JAKMIP1: variants seen among roughly 807,000 people sequenced by gnomAD.
The protein encoded by JAKMIP1 is janus kinase and microtubule interacting protein 1.
Under a neutral mutation model 113.0 loss-of-function variants are expected in JAKMIP1, and 33 were observed. That is an observed-to-expected ratio of 0.29 (90% confidence interval 0.22 to 0.39). The LOEUF is 0.39. Among genes scored for constraint, JAKMIP1 ranks in the 10% least tolerant of loss-of-function variants. JAKMIP1 has a pLI of 1.00. For synonymous variants in JAKMIP1, 480 were observed against 459.9 expected (o/e 1.04, Z -0.56); for missense variants, 813 against 1,080.5 (o/e 0.75, Z 3.47).
chr4:6,085,311 T>C (rs1721137674), intron 4 of JAKMIP1, 109 bp downstream of exon 4: 2 of 908,000 alleles, frequency 2.2e-6, no homozygotes, highest in Admixed American at 2.5e-5. Flanking sequence ...AGTGAATGAA[T>C]GAATGAGTGA....
At chr4:6,125,936 C>T (rs1717464808) in intron 1 of JAKMIP1, among the ~76,000 whole-genome samples, 1 of 132,950 alleles carries the variant, frequency 7.5e-6, no homozygotes, top group South Asian at 2.7e-4. Flanking sequence ...GAAACACACA[C>T]ACACCATACA....
rs894972327 is a variant in JAKMIP1, at chr4:6,069,731, T to C, written c.1303-4723A>G. 6.9e-6 allele frequency among the ~76,000 whole-genome samples: 1 copy of C among 144,768 alleles called. No homozygotes were observed. Among genetic ancestry groups the C allele is most frequent in the Non-Finnish European group, 1.5e-5 (1 of 66,904 alleles). 95.0% of individuals were successfully genotyped at this position (144,768 alleles called of 152,430 possible). The stretch of plus-strand genomic sequence containing the variant: ...TTGTGCCTCTGCACTCCAGCCTGGG[T>C]GACAGGGCAAGATCCTGTCTCAAAA... On this transcript the variant is annotated intron_variant, in intron 8 of 20. Transcript: ENST00000409021. The surrounding 1 kb of genome is among the most constrained non-coding windows in gnomAD (Gnocchi z 4.5).
intron 1 of JAKMIP1, among the ~76,000 whole-genome samples, chr4:6,147,664 C>G (rs943258747): frequency 6.6e-6 from 1 of 152,210 alleles, no homozygotes; most frequent in Non-Finnish European, 1.5e-5. Context: ...CTCACTCTCC[C>G]CCACCGGGTC....
At chr4:6,102,374 T>C (rs1713187875) in intron 3 of JAKMIP1, among the ~76,000 whole-genome samples, 1 of 152,146 alleles carries the variant, frequency 6.6e-6, no homozygotes. Context: ...TAAGAGGTGA[T>C]GAAGTCATGA....
In JAKMIP1 at chr4:6,042,989, C is replaced by T. The variant is rs1714532447; in HGVS notation, c.2029-762G>A. Among the ~76,000 whole-genome samples, 1 of 151,966 alleles carries T rather than the reference C, an allele frequency of 6.6e-6. No individual in the cohort carries two copies. Among genetic ancestry groups the T allele is most frequent in the African/African-American group, 2.4e-5 (1 of 41,360 alleles). On this transcript the variant is annotated intron_variant, in intron 16 of 20. Transcript: ENST00000409021. This position sits in a 1 kb window ranked among gnomAD's most constrained non-coding sequence, Gnocchi z 5.2. ...TCTGGGCTGGGGGTGAGCACGGAGG[C>T]AGGTGTCATACGTGGATGTGCCTCT...
rs1715474573 is a variant in JAKMIP1, at chr4:6,050,139, A to AG, written c.1909-268dup. On this transcript the variant is annotated intron_variant, in intron 14 of 20. Coordinates refer to ENST00000409021, the MANE Select transcript of JAKMIP1 (RefSeq NM_001099433.2). This position sits in a 1 kb window ranked among gnomAD's most constrained non-coding sequence, Gnocchi z 7.4. ...CAGGACGCTGTCCCTGGAGCTGAGCAGGGCTCTAGGACACGGTAAACCCCG... is the reference window on the plus strand; with the variant it reads ...CAGGACGCTGTCCCTGGAGCTGAGCAGGGGCTCTAGGACACGGTAAACCCCG... 6.6e-6 allele frequency among the ~76,000 whole-genome samples: 1 copy of AG among 152,220 alleles called. No individual in the cohort carries two copies. Among genetic ancestry groups the AG allele is most frequent in the South Asian group, 2.1e-4 (1 of 4,832 alleles).
Position 6,153,953 on chromosome 4 carries a change from G to A in JAKMIP1, c.-147-40956C>T, listed in dbSNP as rs1488170794. Among the ~76,000 whole-genome samples the A allele has an allele frequency of 6.6e-6, 1 of 152,216 alleles. No homozygotes were observed. The highest frequency in any genetic ancestry group is 1.5e-5 in the Non-Finnish European group (1 of 68,048). On this transcript the variant is annotated intron_variant, in intron 1 of 20. Coordinates refer to ENST00000409021, the MANE Select transcript of JAKMIP1 (RefSeq NM_001099433.2). This position sits in a 1 kb window ranked among gnomAD's most constrained non-coding sequence, Gnocchi z 4.9. ...GGCCCCTTTTGGCTGGGAAAGTCTG[G>A]ATCCTGCCTCTTACTTGTCACAGAG... is the stretch of plus-strand genomic sequence containing the variant.
rs1721438723 is a variant in JAKMIP1 at position 6,150,512 on chromosome 4, A to G, written c.-147-37515T>C. 6.6e-6 allele frequency: 1 copy of G among 152,192 alleles called. No homozygotes were observed. The highest frequency in any genetic ancestry group is 2.1e-4 in the South Asian group (1 of 4,822). The allele number at this position is 152,192 out of a possible 1,614,324, so 9.4% of individuals were successfully genotyped here. A position where few individuals can be genotyped will look rare whatever the true frequency, so the allele number is the denominator to read the frequency against. On this transcript the variant is annotated intron_variant, in intron 1 of 20. Transcript: ENST00000409021. This position sits in a 1 kb window ranked among gnomAD's most constrained non-coding sequence, Gnocchi z 4.8. ...GTACACAGCCCTGTTTGCTGAACTG[A>G]GTGGTTTCCGCATCCAGGAATAGAC... is the stretch of plus-strand genomic sequence containing the variant.
chr4:6,035,113 T>TTCTC (rs144090101), intron 19 of JAKMIP1, among the ~76,000 whole-genome samples: 2 of 150,958 alleles, frequency 1.3e-5, no homozygotes, highest in South Asian at 2.1e-4. Context: ...GTCAACCTCT[T>TTCTC]TCTCTCTCTC....
At chr4:6,111,896 C>T (rs765906743) in intron 2 of JAKMIP1, among the ~76,000 whole-genome samples, 2 of 152,220 alleles carry the variant, frequency 1.3e-5, no homozygotes, top group Non-Finnish European at 2.9e-5. Flanking sequence ...ATATGGCTTA[C>T]AAGACCTCAT....
intron 1 of JAKMIP1, among the ~76,000 whole-genome samples, chr4:6,131,589 G>T (rs1022698579): frequency 6.6e-6 from 1 of 152,136 alleles, no homozygotes; most frequent in Non-Finnish European, 1.5e-5. Flanking sequence ...AATTAGCCAG[G>T]CATGGTGGTG....
chr4:6,115,080 G>A (rs907268993), intron 1 of JAKMIP1, among the ~76,000 whole-genome samples: 3 of 152,196 alleles, frequency 2.0e-5, no homozygotes, highest in Non-Finnish European at 4.4e-5. Flanking sequence ...TCCACATGGG[G>A]AAAAGGTCAG....
intron 1 of JAKMIP1, among the ~76,000 whole-genome samples, chr4:6,161,222 T>TC (rs1295734058): frequency 2.6e-5 from 3 of 114,336 alleles, no homozygotes; most frequent in African/African-American, 1.1e-4. Context: ...TCCACTCATC[T>TC]CCCTGACCTC....
rs908209376 is a variant in JAKMIP1 at position 6,050,254 on chromosome 4, C to T, written c.1908+324G>A. ...CACTTGGAGTCTGTTCATGATGTGT[C>T]ATCACCCCAGCTTCACGGTGTGGGT... On this transcript the variant is annotated intron_variant, in intron 14 of 20. Transcript: ENST00000409021. The surrounding 1 kb of genome is among the most constrained non-coding windows in gnomAD (Gnocchi z 7.4). Among the ~76,000 whole-genome samples, 14 of 152,200 alleles carry T rather than the reference C, an allele frequency of 9.2e-5. No individual in the cohort carries two copies. The highest frequency in any genetic ancestry group is 1.8e-4 in the Non-Finnish European group (12 of 68,038).
chr4:6,161,183 TC>T (rs1722895122), intron 1 of JAKMIP1, among the ~76,000 whole-genome samples: 1 of 116,474 alleles, frequency 8.6e-6, no homozygotes, highest in African/African-American at 3.5e-5. Flanking sequence ...TCCACTCACC[TC>T]CCCTGATCTC....
intron 3 of JAKMIP1, among the ~76,000 whole-genome samples, chr4:6,087,271 C>A (rs1414821403): frequency 1.3e-5 from 2 of 152,092 alleles, no homozygotes; most frequent in Non-Finnish European, 2.9e-5. Flanking sequence ...CCCCCCAACC[C>A]TGACCATATG....
rs1721065607 is a variant in JAKMIP1, at chr4:6,084,943, T to C, written c.857A>G (p.Asp286Gly). Reference protein sequence around the residue: ...GVQDQHMDERDVRRFQLKIAE... With the variant: ...GVQDQHMDERGVRRFQLKIAE... ...AATTTTTAGTTGAAATCGCCTCACA[T>C]CTCGCTCGTCCATATGTTGATCCTA... Residue 286 changes from aspartate to glycine, a missense_variant, in exon 5 of 21, where the codon GAT becomes GGT. Asp to Gly is a moderately conservative substitution (Grantham distance 94). Transcript: ENST00000409021. 5.1e-6 allele frequency: 5 copies of C among 979,460 alleles called. No individual in the cohort carries two copies. The African/African-American group carries it at 8.0e-5, about 16-fold the overall frequency. 60.7% of individuals were successfully genotyped at this position (979,460 alleles called of 1,614,324 possible). A position where few individuals can be genotyped will look rare whatever the true frequency, so the allele number is the denominator to read the frequency against.
intron 3 of JAKMIP1, among the ~76,000 whole-genome samples, chr4:6,090,209 G>A (rs988460402): frequency 6.7e-6 from 1 of 150,324 alleles, no homozygotes; most frequent in African/African-American, 2.5e-5. Flanking sequence ...GTGACAGAGT[G>A]AGAGTCCATT....
chr4:6,169,826 G>C (rs539412633), intron 1 of JAKMIP1, among the ~76,000 whole-genome samples: 1 of 151,830 alleles, frequency 6.6e-6, no homozygotes, highest in African/African-American at 2.4e-5. Flanking sequence ...CTACCTCATA[G>C]GTACAACAAC....
Sources: allele counts gnomAD v4.1 joint callset (sites outside exome capture counted in the v4.1 genomes callset), GRCh38; gene constraint gnomAD v4.1.1; non-coding constraint Gnocchi (gnomAD v3.1); transcripts MANE v1.5; gene names NCBI Gene and HGNC (gene_info 2026-07-23, HGNC 2026-07-21).